Variants in MFAP1 observed in about 807,000 individuals in gnomAD.
MFAP1 encodes microfibril associated protein 1, also known as microfibrillar-associated protein 1.
A neutral mutation model predicts 62.2 loss-of-function variants in MFAP1; 18 were observed. The observed-to-expected ratio is 0.29, with a 90% confidence interval of 0.20 to 0.43. MFAP1 has a LOEUF of 0.43. MFAP1 is among the 20% of genes least tolerant of loss of function. The pLI is 1.00. For missense variants in MFAP1, 355 were observed against 559.7 expected, an observed-to-expected ratio of 0.63 and a Z score of 3.69; for synonymous variants, 175 against 180.4, an observed-to-expected ratio of 0.97 and a Z score of 0.24.
At chr15:43,814,010 T>G (rs1052950739) in intron 4 of MFAP1, among the ~76,000 whole-genome samples, 1 of 151,992 alleles carries the variant, frequency 6.6e-6, no homozygotes, top group Non-Finnish European at 1.5e-5. Context: ...TCCTAGCACT[T>G]TGGGAGGCTG....
chr15:43,808,426 C>T (rs2087379153), intron 7 of MFAP1, among the ~76,000 whole-genome samples: 1 of 152,124 alleles, frequency 6.6e-6, no homozygotes, highest in African/African-American at 2.4e-5. Context: ...AACTCCTGGG[C>T]TCAACTGATC....
At chr15:43,811,398 A>G (rs1014592934) in intron 6 of MFAP1, among the ~76,000 whole-genome samples, 3 of 145,746 alleles carry the variant, frequency 2.1e-5, no homozygotes, top group African/African-American at 7.6e-5. Flanking sequence ...CCTGGGCGAC[A>G]GAGTGAGACT....
chr15:43,821,214 T>C (rs1270705744), intron 1 of MFAP1, among the ~76,000 whole-genome samples: 1 of 152,156 alleles, frequency 6.6e-6, no homozygotes, highest in African/African-American at 2.4e-5. Context: ...ACAAGGCTTT[T>C]AGGAGGAAAA....
rs558861555 is a variant in MFAP1, at chr15:43,813,246, T to G, written c.726+3A>C. 4 of 1,614,068 alleles carry G rather than the reference T, an allele frequency of 2.5e-6. No homozygotes were observed. In the South Asian group the frequency reaches 4.4e-5, roughly 18 times the overall value. ...CTCATTCCTTGCAACCACTCCCCAG[T>G]ACCTTGAGTGTGTACTTGCGCCTTT... is the stretch of plus-strand genomic sequence containing the variant. On this transcript the variant is annotated splice_donor_region_variant and intron_variant, in intron 5 of 8. Transcript: ENST00000267812.
chr15:43,805,121 T>C lies in MFAP1; in HGVS notation c.1293A>G (p.Pro431=). 6.3e-7 allele frequency: 1 copy of C among 1,590,040 alleles called. No individual in the cohort carries two copies. Among genetic ancestry groups the C allele is most frequent in the Non-Finnish European group, 8.6e-7 (1 of 1,160,294 alleles). Residue 431 remains proline (P), a synonymous_variant, in exon 9 of 9, where the codon CCA becomes CCG. Coordinates refer to ENST00000267812, the MANE Select transcript of MFAP1 (RefSeq NM_005926.3). ...AAGVRDVFER[P]SAKKRKTT is the part of the protein sequence containing the mutation. ...AGGTAGTTTTCCGCTTCTTGGCAGA[T>C]GGCCGCTCAAATACATCTCGTACCC...
intron 1 of MFAP1, among the ~76,000 whole-genome samples, chr15:43,823,381 CT>C (rs200413511): frequency 2.4e-3 from 342 of 141,544 alleles, no homozygotes; most frequent in East Asian, 6.1e-3. Context: ...GCAGAACTTT[CT>C]TTTTTTTTTT....
Position 43,805,123 on chromosome 15 carries a change from G to T in MFAP1, c.1291C>A (p.Pro431Thr). The change falls in exon 9 of 9, where the codon CCA (proline) becomes ACA (threonine). Residue 431 changes from proline (P) to threonine (T), a missense_variant. Pro to Thr is a conservative substitution (Grantham distance 38). Coordinates refer to ENST00000267812, the MANE Select transcript of MFAP1 (RefSeq NM_005926.3). ...AAGVRDVFERPSAKKRKTT is the reference protein window; with the variant it reads ...AAGVRDVFERTSAKKRKTT Reference sequence around the variant, plus strand: ...GTAGTTTTCCGCTTCTTGGCAGATGGCCGCTCAAATACATCTCGTACCCCA... The same window carrying T: ...GTAGTTTTCCGCTTCTTGGCAGATGTCCGCTCAAATACATCTCGTACCCCA... 1 of 1,589,920 alleles carries T rather than the reference G, an allele frequency of 6.3e-7. No homozygotes were observed. The highest frequency in any genetic ancestry group is 8.6e-7 in the Non-Finnish European group (1 of 1,160,348).
At chr15:43,822,982 G>A (rs1424576241) in intron 1 of MFAP1, among the ~76,000 whole-genome samples, 5 of 151,718 alleles carry the variant, frequency 3.3e-5, no homozygotes, top group Non-Finnish European at 7.4e-5. Flanking sequence ...GGGATTACAG[G>A]CGCCTGCCAC....
intron 3 of MFAP1, 123 bp downstream of exon 3, chr15:43,814,822 A>G: frequency 3.4e-6 from 5 of 1,487,546 alleles, no homozygotes; most frequent in Non-Finnish European, 4.6e-6. Context: ...CCCCACAAAC[A>G]AGGAACATGA....
At chr15:43,822,966 G>A (rs1041769553) in intron 1 of MFAP1, among the ~76,000 whole-genome samples, 10 of 150,648 alleles carry the variant, frequency 6.6e-5, no homozygotes, top group African/African-American at 2.4e-4. Flanking sequence ...AGCCTACCGA[G>A]TAGCTGGGAT....
At position 43,814,101 on chromosome 15, in the gene MFAP1, A is replaced by C. The variant is rs142998525; in HGVS notation, c.617+400T>G. 7.0e-4 allele frequency among the ~76,000 whole-genome samples: 107 copies of C among 152,080 alleles called. 1 individual carries two copies. Among genetic ancestry groups the C allele is most frequent in the Admixed American group, 2.2e-3 (33 of 15,256 alleles). On this transcript the variant is annotated intron_variant, in intron 4 of 8. Coordinates refer to ENST00000267812, the MANE Select transcript of MFAP1 (RefSeq NM_005926.3). ...AAACCCCCTCTCTACTAAAAATACA[A>C]AATTAGCCAGGCGTGGTGGCGCATG...
intron 1 of MFAP1, among the ~76,000 whole-genome samples, chr15:43,818,734 A>G (rs1402435016): frequency 1.3e-5 from 2 of 152,044 alleles, no homozygotes; most frequent in Non-Finnish European, 1.5e-5. Context: ...AAAAACAAAA[A>G]AAATTACCCG....
intron 1 of MFAP1, 147 bp from the exon 2 acceptor site, chr15:43,817,595 T>G: frequency 1.3e-6 from 1 of 780,194 alleles, no homozygotes; most frequent in Non-Finnish European, 2.0e-6. Flanking sequence ...CCATCTACTC[T>G]TCTAATGGTG....
Position 43,814,811 on chromosome 15 carries a change from T to G in MFAP1, c.430-123A>C, listed in dbSNP as rs150660166. ...TAGTATCATTCTATTTTTAATCCTA[T>G]CCCCACAAACAAGGAACATGATCAG... On this transcript the variant is annotated intron_variant, in intron 3 of 8. Coordinates refer to ENST00000267812, the MANE Select transcript of MFAP1 (RefSeq NM_005926.3). 6.0e-5 allele frequency: 89 copies of G among 1,485,174 alleles called. No homozygotes were observed. The East Asian group carries it at 1.1e-3, about 19-fold the overall frequency. The allele number at this position is 1,485,174 out of a possible 1,614,324, so 92.0% of individuals were successfully genotyped here.
At chr15:43,812,842 AT>A in intron 6 of MFAP1, 144 bp downstream of exon 6, 1 of 970,224 alleles carries the variant, frequency 1.0e-6, no homozygotes, top group Non-Finnish European at 1.5e-6. Flanking sequence ...TGAAACTCAT[AT>A]TCCAATTATA....
chr15:43,818,167 A>G (rs561807306), intron 1 of MFAP1, among the ~76,000 whole-genome samples: 1 of 152,098 alleles, frequency 6.6e-6, no homozygotes, highest in South Asian at 2.1e-4. Context: ...CTACAGACGC[A>G]TGCCACCATG....
chr15:43,817,089 C>T, intron 2 of MFAP1, 140 bp downstream of exon 2: 1 of 867,564 alleles, frequency 1.2e-6, no homozygotes, highest in Non-Finnish European at 1.8e-6. Context: ...GATAATAGCA[C>T]CTATTTCATA....
chr15:43,809,812 A>G lies in MFAP1; in HGVS notation c.990T>C (p.Ala330=). The G allele has an allele frequency of 6.2e-7, 1 of 1,614,026 alleles. No individual in the cohort carries two copies. Among genetic ancestry groups the G allele is most frequent in the Middle Eastern group, 1.6e-4 (1 of 6,062 alleles). The change falls in exon 7 of 9, where the codon GCT becomes GCC. Residue 330 remains alanine, a synonymous_variant. Coordinates refer to ENST00000267812, the MANE Select transcript of MFAP1 (RefSeq NM_005926.3). ...RANGKVITNK[A]VKGKYKFLQK... ...GTAAGAACTTGTATTTGCCCTTAAC[A>G]GCTTTGTTGGTAATGACTTTGCCGT...
chr15:43,813,423 C>G lies in MFAP1; in HGVS notation c.618-66G>C, dbSNP rs1444194715. 5.6e-6 allele frequency: 8 copies of G among 1,436,904 alleles called. No homozygotes were observed. The East Asian group carries it at 1.4e-4, about 25-fold the overall frequency. 89.0% of individuals were successfully genotyped at this position (1,436,904 alleles called of 1,614,324 possible). ...AGTGGAGTGCTTTGTTCCCCTAGAC[C>G]TAGTCCCATCCAAATCAGACAAAAA... On this transcript the variant is annotated intron_variant, in intron 4 of 8. Coordinates refer to ENST00000267812, the MANE Select transcript of MFAP1 (RefSeq NM_005926.3).
Sources: allele counts gnomAD v4.1 joint callset (sites outside exome capture counted in the v4.1 genomes callset), GRCh38; gene constraint gnomAD v4.1.1; transcripts MANE v1.5; gene names NCBI Gene and HGNC (gene_info 2026-07-23, HGNC 2026-07-21).